The following TFCP2L1 variants were observed in gnomAD, a reference collection of about 807,000 sequenced individuals.
TFCP2L1 encodes transcription factor CP2-like protein 1.
TFCP2L1 carries 12 observed loss-of-function variants against 72.2 expected under a neutral mutation model. That is an observed-to-expected ratio of 0.17 (90% CI 0.11 to 0.27). The LOEUF is 0.27. Ranked by LOEUF, TFCP2L1 falls within the 10% of genes least tolerant of loss-of-function variation. The pLI is 1.00. For synonymous variants in TFCP2L1, 260 were observed against 251.0 expected, an observed-to-expected ratio of 1.04 and a Z score of -0.34; for missense variants, 488 against 624.6, an observed-to-expected ratio of 0.78 and a Z score of 2.33.
At position 121,239,595 on chromosome 2, in the gene TFCP2L1, A is replaced by G. The variant is rs767831182; in HGVS notation, c.823T>C (p.Tyr275His). 3.5e-5 allele frequency: 57 copies of G among 1,614,066 alleles called. No individual in the cohort carries two copies. Among genetic ancestry groups the G allele is most frequent in the Non-Finnish European group, 4.8e-5 (57 of 1,180,030 alleles). The change falls in exon 8 of 15, where the codon TAC becomes CAC. Residue 275 changes from tyrosine (Y) to histidine (H), a missense_variant. Transcript: ENST00000263707. ...CCAAAGCTGTTTGGAGAACCATTGT[A>G]GCTTGGGGACGGGGCGCTGTTCACC... ...YQVNSAPSPS[Y>H]NGSPNSFGLG...
At chr2:121,249,208 TC>T in intron 3 of TFCP2L1, 121 bp from the exon 4 acceptor site, 1 of 720,492 alleles carries the variant, frequency 1.4e-6, no homozygotes, top group Non-Finnish European at 2.3e-6. Context: ...GGGCTTCCTT[TC>T]CCAGTTCTCA....
intron 6 of TFCP2L1, 64 bp downstream of exon 6, chr2:121,246,754 G>A (rs1686495437): frequency 6.3e-7 from 1 of 1,599,850 alleles, no homozygotes; most frequent in African/African-American, 1.3e-5. Context: ...GGGTCTCTGT[G>A]GGCGAATGTG....
intron 2 of TFCP2L1, among the ~76,000 whole-genome samples, chr2:121,280,011 C>T (rs1219056897): frequency 1.3e-5 from 2 of 152,138 alleles, no homozygotes; most frequent in South Asian, 2.1e-4. Flanking sequence ...GCAAAAAACG[C>T]ATACTCATAA....
At position 121,220,957 on chromosome 2, in the gene TFCP2L1, A is replaced by C. The variant is rs947886952; in HGVS notation, c.*3384T>G. ...GGAAGACTCTACTAATAGCACACTT[A>C]AGGTAACAGACTTTTATTACATCTT... On this transcript the variant is annotated 3_prime_UTR_variant, in exon 15 of 15. Transcript: ENST00000263707. The C allele has an allele frequency of 6.6e-6, 1 of 152,214 alleles. No individual in the cohort carries two copies. Among genetic ancestry groups the C allele is most frequent in the South Asian group, 2.1e-4 (1 of 4,828 alleles). 9.4% of individuals were successfully genotyped at this position (152,214 alleles called of 1,614,324 possible).
At chr2:121,230,763 A>G (rs1045538659) in intron 13 of TFCP2L1, among the ~76,000 whole-genome samples, 3 of 145,880 alleles carry the variant, frequency 2.1e-5, no homozygotes, top group African/African-American at 8.4e-5. Context: ...ATCTTGTCTC[A>G]CAACAACAAC....
intron 6 of TFCP2L1, among the ~76,000 whole-genome samples, chr2:121,242,908 ACT>A (rs1240207676): frequency 6.6e-6 from 1 of 152,172 alleles, no homozygotes; most frequent in Non-Finnish European, 1.5e-5. Context: ...CCCAGCTTAC[ACT>A]CTGTCTGCAG....
intron 2 of TFCP2L1, among the ~76,000 whole-genome samples, chr2:121,253,491 T>G (rs1382530765): frequency 6.6e-6 from 1 of 152,214 alleles, no homozygotes; most frequent in Non-Finnish European, 1.5e-5. Context: ...GTTTTTCCAA[T>G]GTCCTCTGCC....
intron 2 of TFCP2L1, among the ~76,000 whole-genome samples, chr2:121,256,373 T>C (rs975972483): frequency 3.3e-5 from 5 of 152,144 alleles, no homozygotes; most frequent in African/African-American, 1.2e-4. Flanking sequence ...ATTTGGAAAC[T>C]TGATACACGA....
At chr2:121,251,220 C>T (rs934690082) in intron 2 of TFCP2L1, among the ~76,000 whole-genome samples, 2 of 151,704 alleles carry the variant, frequency 1.3e-5, no homozygotes, top group Non-Finnish European at 2.9e-5. Flanking sequence ...TGTGCCACTG[C>T]ACTCCAGCCT....
chr2:121,275,562 GTAAGTCT>G (rs1173169417), intron 2 of TFCP2L1, among the ~76,000 whole-genome samples: 6 of 147,266 alleles, frequency 4.1e-5, no homozygotes, highest in African/African-American at 1.5e-4. Flanking sequence ...AAGTATAGAA[GTAAGTCT>G]TTTTTTTTTT....
At chr2:121,226,022 T>C (rs1228239246) in intron 13 of TFCP2L1, among the ~76,000 whole-genome samples, 1 of 109,252 alleles carries the variant, frequency 9.2e-6, no homozygotes, top group African/African-American at 3.8e-5. Context: ...TGCCACGGTG[T>C]CCATACACAC....
intron 2 of TFCP2L1, among the ~76,000 whole-genome samples, chr2:121,260,639 G>A (rs1312981594): frequency 2.6e-5 from 4 of 152,156 alleles, no homozygotes; most frequent in African/African-American, 7.2e-5. Context: ...ACACCCCCAG[G>A]CAGGGATAAC....
intron 2 of TFCP2L1, among the ~76,000 whole-genome samples, chr2:121,270,614 A>C (rs1158668653): frequency 6.6e-6 from 1 of 152,234 alleles, no homozygotes; most frequent in Non-Finnish European, 1.5e-5. Context: ...ACAGCCATAC[A>C]ATGATTGTAG....
intron 2 of TFCP2L1, among the ~76,000 whole-genome samples, chr2:121,279,805 TG>T (rs1433948779): frequency 1.3e-5 from 2 of 152,212 alleles, no homozygotes; most frequent in Admixed American, 1.3e-4. Flanking sequence ...CCGTCTGCTC[TG>T]CCCATTGAAA....
intron 2 of TFCP2L1, among the ~76,000 whole-genome samples, chr2:121,274,174 G>C (rs920777891): frequency 6.6e-6 from 1 of 151,788 alleles, no homozygotes; most frequent in Non-Finnish European, 1.5e-5. Flanking sequence ...ACTTAAATGA[G>C]GTACACTGAA....
At chr2:121,255,995 C>T (rs865924592) in intron 2 of TFCP2L1, among the ~76,000 whole-genome samples, 30 of 152,284 alleles carry the variant, frequency 2.0e-4, no homozygotes, top group African/African-American at 6.7e-4. Flanking sequence ...CCCACCTCGG[C>T]CACCCAAAGT....
At chr2:121,233,359 G>T (rs1264662952) in intron 12 of TFCP2L1, among the ~76,000 whole-genome samples, 4 of 152,214 alleles carry the variant, frequency 2.6e-5, no homozygotes, top group Middle Eastern at 3.4e-3. Context: ...GCTAATTTTT[G>T]TATGTTTTCT....
intron 2 of TFCP2L1, among the ~76,000 whole-genome samples, chr2:121,272,242 C>T (rs749318750): frequency 4.6e-5 from 7 of 152,172 alleles, no homozygotes; most frequent in Non-Finnish European, 1.0e-4. Context: ...ATGGGAACGA[C>T]GCATCTTGGG....
intron 2 of TFCP2L1, among the ~76,000 whole-genome samples, chr2:121,264,827 A>T (rs1216585431): frequency 2.0e-5 from 3 of 152,204 alleles, no homozygotes; most frequent in Admixed American, 2.0e-4. Flanking sequence ...GACACTAAAC[A>T]ATAAATAACA....
Sources: allele counts gnomAD v4.1 joint callset (sites outside exome capture counted in the v4.1 genomes callset), GRCh38; gene constraint gnomAD v4.1.1; transcripts MANE v1.5; gene names NCBI Gene and HGNC (gene_info 2026-07-23, HGNC 2026-07-21).